Variants in CD36 observed in about 807,000 individuals in gnomAD.
The protein encoded by CD36 is CD36 molecule (CD36 blood group), also known as platelet glycoprotein 4.
A neutral mutation model predicts 55.2 loss-of-function variants in CD36; 119 were observed. That is an observed-to-expected ratio of 2.15 (90% CI 1.86 to 2.51). CD36 has a LOEUF of 2.51. Ranked by LOEUF, CD36 falls within the 30% of genes most tolerant of loss-of-function variation. The pLI is 0.00. For synonymous variants in CD36, 186 were observed against 193.6 expected (o/e 0.96, Z 0.33); for missense variants, 819 against 555.5 (o/e 1.47, Z -4.77).
chr7:80,604,662 A>T (rs1024814817), intron 1 of CD36, among the ~76,000 whole-genome samples: 2 of 151,876 alleles, frequency 1.3e-5, no homozygotes, highest in Non-Finnish European at 2.9e-5. Flanking sequence ...TCATTCACCA[A>T]GGACTCCAGA....
At chr7:80,644,175 G>A (rs1463015222) in intron 1 of CD36, among the ~76,000 whole-genome samples, 1 of 152,186 alleles carries the variant, frequency 6.6e-6, no homozygotes, top group Non-Finnish European at 1.5e-5. Flanking sequence ...CATTAGGACA[G>A]CCATGGACAA....
At chr7:80,655,919 T>C (rs567271994) in intron 3 of CD36, among the ~76,000 whole-genome samples, 3 of 136,592 alleles carry the variant, frequency 2.2e-5, no homozygotes, top group Admixed American at 7.3e-5. Context: ...ATATCTTGTC[T>C]CAAAAAAAAA....
intron 1 of CD36, among the ~76,000 whole-genome samples, chr7:80,630,353 G>C (rs1169939368): frequency 6.6e-6 from 1 of 151,964 alleles, no homozygotes; most frequent in Non-Finnish European, 1.5e-5. Context: ...TTGTGGAATT[G>C]TATGAAGTTG....
Position 80,666,442 on chromosome 7 carries a change from G to T in CD36, c.702-1G>T, listed in dbSNP as rs143762577. ...TATTCATTGTCTTTTTCTATTCCTA[G>T]GAATCTGTCCTATTGGGAAAGTCAC... On this transcript the variant is annotated splice_acceptor_variant, in intron 7 of 14. Coordinates refer to ENST00000447544, the MANE Select transcript of CD36 (RefSeq NM_001001548.3). LOFTEE classifies it high-confidence loss of function. 6.3e-7 allele frequency: 1 copy of T among 1,590,824 alleles called. No individual in the cohort carries two copies. Among genetic ancestry groups the T allele is most frequent in the African/African-American group, 1.3e-5 (1 of 74,540 alleles).
At chr7:80,663,966 T>C (rs1167364727) in intron 6 of CD36, among the ~76,000 whole-genome samples, 2 of 152,152 alleles carry the variant, frequency 1.3e-5, no homozygotes, top group Non-Finnish European at 2.9e-5. Flanking sequence ...AGCTCTTTCT[T>C]TGGCTAATGC....
At chr7:80,623,540 A>G (rs1793588661) in intron 1 of CD36, among the ~76,000 whole-genome samples, 1 of 152,154 alleles carries the variant, frequency 6.6e-6, no homozygotes, top group Admixed American at 6.5e-5. Context: ...GTTTTAATTT[A>G]TTTGATTTGT....
In CD36 at chr7:80,658,759, G is replaced by C. The variant is rs142711213; in HGVS notation, c.281+2059G>C. On this transcript the variant is annotated intron_variant, in intron 4 of 14. Coordinates refer to ENST00000447544, the MANE Select transcript of CD36 (RefSeq NM_001001548.3). ...AATCTATGTGCCTTGGCCTCGCAAAGTGTTGGGATTACAGGTGTGACCCAC... is the reference window on the plus strand; with the variant it reads ...AATCTATGTGCCTTGGCCTCGCAAACTGTTGGGATTACAGGTGTGACCCAC... Among the ~76,000 whole-genome samples the C allele has an allele frequency of 6.8e-3, 1,028 of 152,276 alleles. 13 individuals are homozygous for C. Among genetic ancestry groups the C allele is most frequent in the African/African-American group, 0.023 (960 of 41,556 alleles).
At chr7:80,650,781 G>A (rs1015598933) in intron 3 of CD36, among the ~76,000 whole-genome samples, 3 of 151,966 alleles carry the variant, frequency 2.0e-5, no homozygotes, top group Non-Finnish European at 4.4e-5. Flanking sequence ...AAGCTTATTT[G>A]TACTTTATTT....
intron 1 of CD36, among the ~76,000 whole-genome samples, chr7:80,609,539 C>T (rs184379312): frequency 1.1e-4 from 16 of 152,192 alleles, no homozygotes; most frequent in Non-Finnish European, 1.6e-4. Context: ...GCTACCTAAG[C>T]GGGGTGTCAG....
chr7:80,666,550 C>T (rs1797113583), intron 8 of CD36, 61 bp downstream of exon 8: 16 of 1,225,780 alleles, frequency 1.3e-5, no homozygotes, highest in Admixed American at 1.7e-5. Context: ...ACAAATCCAC[C>T]GTTGTACTGA....
At chr7:80,649,973 A>G (rs531687013) in intron 3 of CD36, among the ~76,000 whole-genome samples, 1 of 152,196 alleles carries the variant, frequency 6.6e-6, no homozygotes, top group African/African-American at 2.4e-5. Context: ...GAACATGGTC[A>G]CCAATAATTT....
chr7:80,671,783 A>G (rs2116867887), intron 10 of CD36, 139 bp from the exon 11 acceptor site: 3 of 712,620 alleles, frequency 4.2e-6, no homozygotes, highest in Non-Finnish European at 4.8e-6. Flanking sequence ...AAATCAACTG[A>G]CATAATTCTT....
intron 1 of CD36, chr7:80,633,442 C>T (rs1342406057): frequency 6.6e-6 from 1 of 151,922 alleles, no homozygotes; most frequent in Non-Finnish European, 1.5e-5. Flanking sequence ...TGGTTTAAGT[C>T]TAAACTAAGT....
rs542883933 is a variant in CD36, at chr7:80,666,551, G to A, written c.748+62G>A. 9.2e-5 allele frequency: 113 copies of A among 1,225,566 alleles called. No individual in the cohort carries two copies. In the East Asian group the frequency reaches 1.9e-3, roughly 21 times the overall value. The allele number at this position is 1,225,566 out of a possible 1,614,324, so 75.9% of individuals were successfully genotyped here. On this transcript the variant is annotated intron_variant, in intron 8 of 14. Coordinates refer to ENST00000447544, the MANE Select transcript of CD36 (RefSeq NM_001001548.3). Reference sequence around the variant, plus strand: ...CACCTCCCTTTCCCACAAATCCACCGTTGTACTGACAGTGTTCTGAAAGTT... The same window carrying A: ...CACCTCCCTTTCCCACAAATCCACCATTGTACTGACAGTGTTCTGAAAGTT...
At chr7:80,667,893 G>A (rs1353421406) in intron 8 of CD36, among the ~76,000 whole-genome samples, 1 of 151,786 alleles carries the variant, frequency 6.6e-6, no homozygotes, top group African/African-American at 2.4e-5. Context: ...TGGGACTACA[G>A]GCATGTGCCA....
At chr7:80,635,718 T>A (rs1794356395), upstream of CD36, among the ~76,000 whole-genome samples, 7 of 152,268 alleles carry the variant, frequency 4.6e-5, no homozygotes, top group South Asian at 1.4e-3. Flanking sequence ...AGTCATACAC[T>A]TAGGAAGTGA....
At position 80,663,169 on chromosome 7, in the gene CD36, TG is replaced by T. The variant is rs1172204424; in HGVS notation, c.609+1del. The T allele has an allele frequency of 2.4e-5, 38 of 1,610,262 alleles. No homozygotes were observed. The highest frequency in any genetic ancestry group is 3.3e-5 in the Admixed American group (2 of 59,994). On this transcript the variant is annotated splice_donor_variant, in intron 6 of 14. Coordinates refer to ENST00000447544, the MANE Select transcript of CD36 (RefSeq NM_001001548.3). LOFTEE classifies it high-confidence loss of function. ...CTACCACAGTTGGTCTGTTTTATCC[TG>T]TAAGTACCAAATATGAATGGCAATA...
chr7:80,636,101 C>T (rs75695351), upstream of CD36, among the ~76,000 whole-genome samples: 733 of 152,112 alleles, frequency 4.8e-3, 7 homozygotes, highest in African/African-American at 0.017. Flanking sequence ...AAAGACAGGG[C>T]AAAAACAAAA....
chr7:80,658,754 G>T (rs966843072), intron 4 of CD36, among the ~76,000 whole-genome samples: 1 of 152,084 alleles, frequency 6.6e-6, no homozygotes, highest in Non-Finnish European at 1.5e-5. Context: ...CCTTGGCCTC[G>T]CAAAGTGTTG....
Sources: allele counts gnomAD v4.1 joint callset (sites outside exome capture counted in the v4.1 genomes callset), GRCh38; gene constraint gnomAD v4.1.1; transcripts MANE v1.5; gene names NCBI Gene and HGNC (gene_info 2026-07-23, HGNC 2026-07-21).